Variants in DNAH12 observed in about 807,000 individuals in gnomAD.
DNAH12 encodes axonemal beta dynein heavy chain 12.
Under a neutral mutation model 371.5 loss-of-function variants are expected in DNAH12, and 285 were observed. The observed-to-expected ratio is 0.77, with a 90% confidence interval of 0.70 to 0.85. The LOEUF is 0.85. DNAH12 is among the 40% of genes least tolerant of loss of function. The pLI is 0.00. For missense variants in DNAH12, 3,611 were observed against 3,689.4 expected, an observed-to-expected ratio of 0.98 and a Z score of 0.55; for synonymous variants, 1,200 against 1,213.0, an observed-to-expected ratio of 0.99 and a Z score of 0.22.
chr3:57,435,089 A>C (rs1285566816), intron 30 of DNAH12, among the ~76,000 whole-genome samples: 2 of 152,210 alleles, frequency 1.3e-5, no homozygotes, highest in Non-Finnish European at 2.9e-5. Context: ...ATGAAGGATT[A>C]ATATGGGCCG....
At chr3:57,476,292 G>T (rs151102076) in intron 13 of DNAH12, among the ~76,000 whole-genome samples, 2 of 152,122 alleles carry the variant, frequency 1.3e-5, no homozygotes, top group Admixed American at 1.3e-4. Flanking sequence ...TAGGCCAGGC[G>T]CAGTGGCTCA....
intron 30 of DNAH12, among the ~76,000 whole-genome samples, chr3:57,435,415 T>C (rs2065090981): frequency 6.8e-6 from 1 of 147,654 alleles, no homozygotes; most frequent in African/African-American, 2.5e-5. Flanking sequence ...CAGTAATCAT[T>C]TCAGGAGAAT....
rs574454433 is a variant in DNAH12 at position 57,305,475 on chromosome 3, C to T, written c.11190-3536G>A. Among the ~76,000 whole-genome samples, 53 of 152,298 alleles carry T rather than the reference C, an allele frequency of 3.5e-4. 2 individuals are homozygous for T. In the South Asian group the frequency reaches 0.011, roughly 31 times the overall value. On this transcript the variant is annotated intron_variant, in intron 69 of 73. Transcript: ENST00000495027. Reference sequence around the variant, plus strand: ...TTACAGTTTCATTCCGCGACTAGCCCTCCCCCTCCTGCCCAGCAATTTACT... The same window carrying T: ...TTACAGTTTCATTCCGCGACTAGCCTTCCCCCTCCTGCCCAGCAATTTACT...
At chr3:57,381,960 T>C (rs1345661410) in intron 50 of DNAH12, among the ~76,000 whole-genome samples, 2 of 151,966 alleles carry the variant, frequency 1.3e-5, no homozygotes, top group Non-Finnish European at 2.9e-5. Context: ...CTCTGCCTCC[T>C]GGGTTCAAGC....
Position 57,327,422 on chromosome 3 carries a change from A to G in DNAH12, c.9979-3803T>C, listed in dbSNP as rs891559898. Among the ~76,000 whole-genome samples the G allele has an allele frequency of 2.6e-5, 4 of 152,298 alleles. No individual in the cohort carries two copies. In the South Asian group the frequency reaches 8.3e-4, roughly 32 times the overall value. On this transcript the variant is annotated intron_variant, in intron 62 of 73. Coordinates refer to ENST00000495027, the MANE Select transcript of DNAH12 (RefSeq NM_001366028.2). ...TCAGAAACTCACTCAAAACCGCTCA[A>G]CTACATGGAAACTGAACAACCTGCT... is the stretch of plus-strand genomic sequence containing the variant.
At chr3:57,353,836 C>T (rs1447385480) in intron 59 of DNAH12, among the ~76,000 whole-genome samples, 4 of 152,244 alleles carry the variant, frequency 2.6e-5, no homozygotes, top group Non-Finnish European at 5.9e-5. Context: ...TACCATCTCA[C>T]ACCAGTCAGA....
intron 25 of DNAH12, among the ~76,000 whole-genome samples, chr3:57,449,613 G>A (rs903754402): frequency 2.0e-5 from 3 of 152,238 alleles, no homozygotes; most frequent in Non-Finnish European, 4.4e-5. Context: ...ATTGCCCGGG[G>A]CCGGCAGGGC....
chr3:57,494,463 A>C (rs11710170), intron 11 of DNAH12, among the ~76,000 whole-genome samples: 1 of 151,740 alleles, frequency 6.6e-6, no homozygotes, highest in Non-Finnish European at 1.5e-5. Context: ...TTGGGAGGCT[A>C]AGGTGGGAGG....
intron 62 of DNAH12, among the ~76,000 whole-genome samples, chr3:57,326,787 C>T (rs2061958846): frequency 1.3e-5 from 2 of 152,044 alleles, no homozygotes; most frequent in African/African-American, 4.8e-5. Context: ...GAGTCAAGAC[C>T]CATCAGTGTG....
At chr3:57,548,795 A>T (rs1158734846), upstream of DNAH12, 1 of 152,222 alleles carries the variant, frequency 6.6e-6, no homozygotes, top group Non-Finnish European at 1.5e-5. Flanking sequence ...AATAACAGTT[A>T]TTCATTTAGC....
chr3:57,485,621 G>A (rs959017275), intron 12 of DNAH12, among the ~76,000 whole-genome samples: 1 of 151,926 alleles, frequency 6.6e-6, no homozygotes, highest in Non-Finnish European at 1.5e-5. Context: ...GGCTGGTCTT[G>A]AACTCCTGAC....
intron 45 of DNAH12, among the ~76,000 whole-genome samples, chr3:57,389,008 C>G (rs1316204970): frequency 6.6e-6 from 1 of 152,066 alleles, no homozygotes. Context: ...ACATATGTAA[C>G]AAACCTGCAC....
chr3:57,519,687 G>C, intron 4 of DNAH12: 1 of 1,606,960 alleles, frequency 6.2e-7, no homozygotes, highest in South Asian at 1.1e-5. Context: ...CGATTCTTTG[G>C]GCCACCCAGT....
intron 55 of DNAH12, 135 bp downstream of exon 55, chr3:57,375,236 T>C (rs1014867287): frequency 2.6e-5 from 4 of 152,178 alleles, no homozygotes; most frequent in Non-Finnish European, 4.4e-5. Flanking sequence ...GCAGCAAGAA[T>C]ACTAAAATGT....
In DNAH12 at chr3:57,299,369, A is replaced by C. The variant is rs189972367; in HGVS notation, c.11394+2366T>G. Reference sequence around the variant, plus strand: ...TCTATAAAATAACAGTGAGTTGAATATTATTTCTGTCATTTTACAGATGAA... The same window carrying C: ...TCTATAAAATAACAGTGAGTTGAATCTTATTTCTGTCATTTTACAGATGAA... On this transcript the variant is annotated intron_variant, in intron 70 of 73. Transcript: ENST00000495027. Among the ~76,000 whole-genome samples the C allele has an allele frequency of 2.8e-4, 43 of 152,310 alleles. No homozygotes were observed. The East Asian group carries it at 8.3e-3, about 29-fold the overall frequency.
In DNAH12 at chr3:57,295,553, G is replaced by C; in HGVS notation, c.11664C>G (p.Asp3888Glu). Residue 3888 changes from aspartate (D) to glutamate (E), a missense_variant, in exon 73 of 74, where the codon GAC becomes GAG. Asp to Glu is a conservative substitution (Grantham distance 45). Around this residue, in one of 3 missense-constraint regions of DNAH12, gnomAD observed 2,266 missense variants for 2,236.9 expected, o/e 1.01. Coordinates refer to ENST00000495027, the MANE Select transcript of DNAH12 (RefSeq NM_001366028.2). ...LAEQYPKLLF[D>E]LMPIIWIKPT... is the part of the protein sequence containing the mutation. The stretch of plus-strand genomic sequence containing the variant: ...GTTTTATCCATATGATGGGCATCAG[G>C]TCAAACAGAAGTTTGGGATATTGTT... 1 of 1,545,404 alleles carries C rather than the reference G, an allele frequency of 6.5e-7. No individual in the cohort carries two copies. The highest frequency in any genetic ancestry group is 8.7e-7 in the Non-Finnish European group (1 of 1,144,746).
intron 17 of DNAH12, among the ~76,000 whole-genome samples, chr3:57,466,770 CAG>C (rs2066214916): frequency 6.6e-6 from 1 of 151,822 alleles, no homozygotes; most frequent in South Asian, 2.1e-4. Flanking sequence ...TTTTTTGAGA[CAG>C]GGTCTTACTC....
In DNAH12 at chr3:57,405,130, TAA is replaced by T; in HGVS notation, c.6592_6593del (p.Leu2198LysfsTer7). 6.5e-7 allele frequency: 1 copy of T among 1,536,142 alleles called. No individual in the cohort carries two copies. Among genetic ancestry groups the T allele is most frequent in the East Asian group, 2.5e-5 (1 of 40,038 alleles). On this transcript the variant is annotated frameshift_variant, in exon 42 of 74. Coordinates refer to ENST00000495027, the MANE Select transcript of DNAH12 (RefSeq NM_001366028.2). LOFTEE classifies it high-confidence loss of function. ...KQNAPVTEED[L>X]RNLMFGDYMN... ...TATAATCACCAAACATGAGATTTCT[TAA>T]GTCTTCTTCAGTTACCTATAGAAAG...
intron 47 of DNAH12, among the ~76,000 whole-genome samples, chr3:57,385,788 A>G (rs2063488887): frequency 6.6e-6 from 1 of 152,144 alleles, no homozygotes; most frequent in Non-Finnish European, 1.5e-5. Context: ...AGGGTGAGAC[A>G]GGAGAATTGC....
Sources: gnomAD v4.1 joint callset for allele counts (sites outside exome capture counted in the v4.1 genomes callset) on GRCh38, gnomAD v4.1.1 for gene constraint, gnomAD v4.1.1 regional missense constraint, MANE v1.5 for transcripts, NCBI Gene and HGNC (gene_info 2026-07-23, HGNC 2026-07-21) for gene names.